Variants in MTMR14 observed in about 807,000 individuals in gnomAD.
MTMR14 encodes the protein myotubularin related protein 14.
Under a neutral mutation model 86.3 loss-of-function variants are expected in MTMR14, and 48 were observed. The ratio of observed to expected loss-of-function variants is 0.56; its 90% CI spans 0.44 to 0.71. The LOEUF is 0.71. MTMR14 is among the 30% of genes least tolerant of loss of function. The pLI is 0.00. For missense variants in MTMR14, 780 were observed against 834.6 expected (o/e 0.93, Z 0.81); for synonymous variants, 366 against 326.1 (o/e 1.12, Z -1.32).
rs148049046 is a variant in MTMR14 at position 9,671,897 on chromosome 3, C to T, written c.677+727C>T. 2.4e-4 allele frequency among the ~76,000 whole-genome samples: 36 copies of T among 152,262 alleles called. 1 individual carries two copies. In the East Asian group the frequency reaches 7.0e-3, roughly 29 times the overall value. On this transcript the variant is annotated intron_variant, in intron 6 of 18. Transcript: ENST00000296003. ...TCTTAGAAAATAAGGCATACTGAGG[C>T]TAACGTTAGAGCTCACCTATCTTCA...
At chr3:9,670,061 C>T (rs1173623300) in intron 5 of MTMR14, among the ~76,000 whole-genome samples, 1 of 152,224 alleles carries the variant, frequency 6.6e-6, no homozygotes, top group Non-Finnish European at 1.5e-5. Flanking sequence ...CTCTTGCTAT[C>T]CGCTTTCCAA....
intron 17 of MTMR14, among the ~76,000 whole-genome samples, chr3:9,691,929 G>A (rs949155919): frequency 2.6e-5 from 4 of 152,152 alleles, no homozygotes; most frequent in African/African-American, 9.7e-5. Flanking sequence ...GGTCTGTTTG[G>A]GGGATGCCTG....
chr3:9,688,032 A>C, intron 14 of MTMR14, 141 bp downstream of exon 14: 1 of 757,430 alleles, frequency 1.3e-6, no homozygotes, highest in South Asian at 1.5e-5. Flanking sequence ...CTTCGCTCTG[A>C]GGCCAGGGTA....
At chr3:9,691,399 T>C (rs1332146838) in intron 17 of MTMR14, among the ~76,000 whole-genome samples, 1 of 152,228 alleles carries the variant, frequency 6.6e-6, no homozygotes. Flanking sequence ...TGCCCAGCTG[T>C]CCTCAGGGCC....
Position 9,690,081 on chromosome 3 carries a change from C to T in MTMR14, c.1551C>T (p.Ser517=), listed in dbSNP as rs1410674142. The change falls in exon 17 of 19, where the codon TCC becomes TCT. Residue 517 remains serine (S), a synonymous_variant. Transcript: ENST00000296003. ...AAGCCAGGTCTTCCAGCTCCTCTTCCTCAAACCATTCTGATAACTTTTTCA... is the reference window on the plus strand; with the variant it reads ...AAGCCAGGTCTTCCAGCTCCTCTTCTTCAAACCATTCTGATAACTTTTTCA... ...LAEARSSSSS[S]SNHSDNFFRM... 4 of 1,613,644 alleles carry T rather than the reference C, an allele frequency of 2.5e-6. No homozygotes were observed. The highest frequency in any genetic ancestry group is 1.3e-5 in the African/African-American group (1 of 75,052).
chr3:9,654,538 T>TC (rs1021453515), intron 2 of MTMR14, among the ~76,000 whole-genome samples: 16 of 152,338 alleles, frequency 1.1e-4, no homozygotes, highest in African/African-American at 3.8e-4. Context: ...TGATAAGTAA[T>TC]CACAGCATGA....
In MTMR14 at chr3:9,701,916, G is replaced by C; in HGVS notation, c.1896G>C (p.Leu632=). The C allele has an allele frequency of 6.2e-7, 1 of 1,614,204 alleles. No individual in the cohort carries two copies. The highest frequency in any genetic ancestry group is 1.7e-5 in the Admixed American group (1 of 60,036). The change falls in exon 19 of 19, where the codon CTG becomes CTC. Residue 632 remains leucine, a synonymous_variant. Transcript: ENST00000296003. This position sits in a 1 kb window ranked among gnomAD's most constrained non-coding sequence, Gnocchi z 4.2. ...APSPSGAIGG[L]LEQFARGVGL... The stretch of plus-strand genomic sequence containing the variant: ...GTCCTTCCGGTGCCATCGGGGGCCT[G>C]CTGGAGCAATTTGCCCGTGGTGTTG...
At chr3:9,675,810 C>A in intron 7 of MTMR14, 1 of 416,718 alleles carries the variant, frequency 2.4e-6, no homozygotes, top group Non-Finnish European at 4.9e-6. Context: ...GTTGGGAAAA[C>A]AGCACTTCAC....
intron 7 of MTMR14, among the ~76,000 whole-genome samples, chr3:9,674,063 A>T (rs531106906): frequency 6.6e-6 from 1 of 152,172 alleles, no homozygotes; most frequent in Non-Finnish European, 1.5e-5. Context: ...GGGTAACTCC[A>T]TAGCTGGTTT....
At chr3:9,678,084 G>T in intron 9 of MTMR14, 26 bp downstream of exon 9, 1 of 1,612,976 alleles carries the variant, frequency 6.2e-7, no homozygotes, top group Non-Finnish European at 8.5e-7. Context: ...CAAGCATTGA[G>T]GGCAGGATAA....
intron 2 of MTMR14, among the ~76,000 whole-genome samples, chr3:9,655,386 C>T (rs2047537443): frequency 6.6e-6 from 1 of 151,414 alleles, no homozygotes; most frequent in Non-Finnish European, 1.5e-5. Context: ...AAAAAGATGA[C>T]AGATTCTAGA....
At chr3:9,657,480 G>A (rs2047673817) in intron 2 of MTMR14, among the ~76,000 whole-genome samples, 1 of 152,094 alleles carries the variant, frequency 6.6e-6, no homozygotes, top group Non-Finnish European at 1.5e-5. Context: ...CTGTTTGGCA[G>A]GTGTTGAGGT....
intron 13 of MTMR14, 40 bp from the exon 14 acceptor site, chr3:9,687,781 T>C: frequency 6.5e-7 from 1 of 1,538,106 alleles, no homozygotes; most frequent in Non-Finnish European, 8.8e-7. Flanking sequence ...TCTGCTGCCT[T>C]GGTTCTTCTC....
chr3:9,697,999 C>A, intron 18 of MTMR14, 133 bp downstream of exon 18: 2 of 1,276,940 alleles, frequency 1.6e-6, no homozygotes, highest in Non-Finnish European at 2.2e-6. Flanking sequence ...CCTCTCTCAG[C>A]TGCTGGACCC....
At chr3:9,686,327 C>T (rs969395647) in intron 13 of MTMR14, among the ~76,000 whole-genome samples, 5 of 152,216 alleles carry the variant, frequency 3.3e-5, no homozygotes, top group Admixed American at 2.6e-4. Flanking sequence ...CTGGGACATT[C>T]TACCCTCCCT....
rs201678479 is a variant in MTMR14 at position 9,698,868 on chromosome 3, T to TA, written c.1769+1015dup. Among the ~76,000 whole-genome samples the TA allele has an allele frequency of 8.7e-3, 1,265 of 144,686 alleles. 15 individuals carry two copies. The highest frequency in any genetic ancestry group is 0.021 in the African/African-American group (836 of 39,792). The allele number at this position is 144,686 out of a possible 152,430, so 94.9% of individuals were successfully genotyped here. A position where few individuals can be genotyped will look rare whatever the true frequency, so the allele number is the denominator to read the frequency against. On this transcript the variant is annotated intron_variant, in intron 18 of 18. Transcript: ENST00000296003. Reference sequence around the variant, plus strand: ...ACAAGATCTTAGATGTTCGAAGGCTTAAAAAAAAAAAAATTGCAGGCCGGG... The same window carrying TA: ...ACAAGATCTTAGATGTTCGAAGGCTTAAAAAAAAAAAAAATTGCAGGCCGGG...
intron 2 of MTMR14, 141 bp downstream of exon 2, chr3:9,653,910 G>T: frequency 2.5e-6 from 3 of 1,194,198 alleles, no homozygotes; most frequent in Non-Finnish European, 3.7e-6. Flanking sequence ...TTACTTCAAG[G>T]TTGGACAAGT....
intron 3 of MTMR14, among the ~76,000 whole-genome samples, chr3:9,664,842 A>G (rs1285144480): frequency 6.6e-6 from 1 of 152,230 alleles, no homozygotes; most frequent in Non-Finnish European, 1.5e-5. Context: ...AGTATTTGAT[A>G]GTACAACAGG....
chr3:9,696,605 G>A (rs1264785676), intron 17 of MTMR14, among the ~76,000 whole-genome samples: 4 of 152,250 alleles, frequency 2.6e-5, no homozygotes, highest in Non-Finnish European at 5.9e-5. Flanking sequence ...GATTGCCAGA[G>A]TTGCAGTGCC....
Sources: gnomAD v4.1 joint callset for allele counts (sites outside exome capture counted in the v4.1 genomes callset) on GRCh38, gnomAD v4.1.1 for gene constraint, Gnocchi (gnomAD v3.1) non-coding constraint, MANE v1.5 for transcripts, NCBI Gene and HGNC (gene_info 2026-07-23, HGNC 2026-07-21) for gene names.